Variants in ELAPOR1 observed in about 807,000 individuals in gnomAD.
ELAPOR1 encodes the protein endosome/lysosome-associated apoptosis and autophagy regulator 1.
In ELAPOR1, 77 loss-of-function variants were observed where a neutral mutation model predicts 119.7. That is an observed-to-expected ratio of 0.64 (90% CI 0.54 to 0.78). The LOEUF (loss-of-function observed/expected upper bound fraction) is 0.78. Among genes scored for constraint, ELAPOR1 ranks in the 30% least tolerant of loss-of-function variants. The pLI is 0.00. For missense variants in ELAPOR1, 1,115 were observed against 1,270.4 expected, an observed-to-expected ratio of 0.88 and a Z score of 1.86; for synonymous variants, 481 against 487.2, an observed-to-expected ratio of 0.99 and a Z score of 0.17.
At chr1:109,127,363 C>T (rs1428374197) in intron 1 of ELAPOR1, among the ~76,000 whole-genome samples, 3 of 150,820 alleles carry the variant, frequency 2.0e-5, no homozygotes, top group Non-Finnish European at 4.4e-5. Context: ...TACAGGTGCA[C>T]GCCACCATGC....
At chr1:109,131,485 C>A (rs140529102) in intron 1 of ELAPOR1, among the ~76,000 whole-genome samples, 2,428 of 152,066 alleles carry the variant, frequency 0.016, 43 homozygotes, top group Middle Eastern at 0.024. Context: ...CGGCAGTGGA[C>A]GTTCTTAAAT....
chr1:109,155,261 C>T lies in ELAPOR1; in HGVS notation c.154-6633C>T, dbSNP rs138040466. ...GCGCATCTCTGCTCACTGCAAGCTC[C>T]GCCTCCCGGGTTCACGCCATTCTCC... On this transcript the variant is annotated intron_variant, in intron 1 of 21. Coordinates refer to ENST00000369939, the MANE Select transcript of ELAPOR1 (RefSeq NM_020775.5). Among the ~76,000 whole-genome samples, 706 of 152,194 alleles carry T rather than the reference C, an allele frequency of 4.6e-3. 3 individuals carry two copies. The highest frequency in any genetic ancestry group is 0.016 in the African/African-American group (671 of 41,476).
intron 8 of ELAPOR1, chr1:109,187,348 C>T (rs1653117566): frequency 1.0e-6 from 1 of 985,410 alleles, no homozygotes; most frequent in Admixed American, 6.1e-5. Flanking sequence ...CCGAGCTGAG[C>T]AGGGGAAGGA....
chr1:109,199,470 C>T (rs1442456567), intron 18 of ELAPOR1, among the ~76,000 whole-genome samples: 6 of 152,178 alleles, frequency 3.9e-5, no homozygotes. Flanking sequence ...TGAACCCCAC[C>T]TCAACTCCAA....
chr1:109,203,009 G>A lies in ELAPOR1; in HGVS notation c.3039G>A (p.Leu1013=), dbSNP rs1654276023. ...KTSSGGLDMD[L] ...CCTCAGGAGGCCTAGACATGGACCT[G>A]TGAGAGGCACTGCCTGCCTCACCTG... Residue 1013 remains leucine, a synonymous_variant, in exon 22 of 22, where the codon CTG becomes CTA. Transcript: ENST00000369939. 3.1e-6 allele frequency: 5 copies of A among 1,608,860 alleles called. No individual in the cohort carries two copies. The Admixed American group carries it at 5.0e-5, about 16-fold the overall frequency.
At chr1:109,128,265 G>A (rs1296937582) in intron 1 of ELAPOR1, among the ~76,000 whole-genome samples, 2 of 152,182 alleles carry the variant, frequency 1.3e-5, no homozygotes, top group African/African-American at 4.8e-5. Context: ...GGTTTTCTAA[G>A]TATGAACCTT....
At chr1:109,172,063 GT>G in intron 4 of ELAPOR1, 50 bp downstream of exon 4, 1 of 1,596,038 alleles carries the variant, frequency 6.3e-7, no homozygotes, top group Non-Finnish European at 8.6e-7. Flanking sequence ...CCTCTCTGGG[GT>G]TCAGATCCGT....
At chr1:109,124,770 A>G (rs1329479044) in intron 1 of ELAPOR1, among the ~76,000 whole-genome samples, 1 of 152,224 alleles carries the variant, frequency 6.6e-6, no homozygotes, top group Non-Finnish European at 1.5e-5. Context: ...GCACATGCAT[A>G]CTGCATTCTT....
chr1:109,121,644 G>A (rs371930642), intron 1 of ELAPOR1, among the ~76,000 whole-genome samples: 1 of 152,152 alleles, frequency 6.6e-6, no homozygotes, highest in East Asian at 1.9e-4. Context: ...GACACTGGAG[G>A]GACTAAACTC....
chr1:109,189,767 G>A (rs1653310754), intron 11 of ELAPOR1, 85 bp downstream of exon 11: 1 of 959,106 alleles, frequency 1.0e-6, no homozygotes, highest in South Asian at 1.4e-5. Context: ...AGAGGAGAGG[G>A]CTTCCGGGGT....
At chr1:109,152,605 A>G (rs1340822719) in intron 1 of ELAPOR1, among the ~76,000 whole-genome samples, 1 of 152,082 alleles carries the variant, frequency 6.6e-6, no homozygotes, top group Non-Finnish European at 1.5e-5. Context: ...AAAATTGTGG[A>G]GTTAATATTT....
At chr1:109,201,212 C>T in intron 21 of ELAPOR1, 1 of 481,170 alleles carries the variant, frequency 2.1e-6, no homozygotes, top group African/African-American at 1.9e-5. Context: ...AGAATCATCC[C>T]CTACTCCTTT....
intron 1 of ELAPOR1, among the ~76,000 whole-genome samples, chr1:109,158,984 C>A (rs1362294392): frequency 2.0e-5 from 3 of 151,794 alleles, no homozygotes; most frequent in African/African-American, 4.8e-5. Context: ...CCTCTGCCCC[C>A]ACTCCCAGGT....
At chr1:109,188,024 A>G in intron 8 of ELAPOR1, 153 bp from the exon 9 acceptor site, 2 of 1,409,776 alleles carry the variant, frequency 1.4e-6, no homozygotes, top group South Asian at 3.3e-5. Context: ...TGCTTGGGAT[A>G]CATCCGTGAG....
intron 1 of ELAPOR1, among the ~76,000 whole-genome samples, chr1:109,118,356 G>GT (rs1404561851): frequency 2.0e-5 from 3 of 152,168 alleles, no homozygotes; most frequent in Non-Finnish European, 4.4e-5. Context: ...GAGATACAAA[G>GT]TTGATAAGGT....
intron 7 of ELAPOR1, among the ~76,000 whole-genome samples, chr1:109,176,606 C>CT (rs1166255748): frequency 0.016 from 2,016 of 127,802 alleles, 19 homozygotes; most frequent in Non-Finnish European, 0.024. Context: ...CTTTTTTTTT[C>CT]TTTTTTTTTT....
At chr1:109,197,941 C>T (rs778274333) in intron 16 of ELAPOR1, 38 bp from the exon 17 acceptor site, 7 of 1,539,660 alleles carry the variant, frequency 4.5e-6, no homozygotes, top group Non-Finnish European at 4.5e-6. Context: ...CCAGCTAATG[C>T]TACTAGTGAG....
At chr1:109,178,961 T>C (rs1238027518) in intron 7 of ELAPOR1, among the ~76,000 whole-genome samples, 1 of 73,750 alleles carries the variant, frequency 1.4e-5, no homozygotes, top group African/African-American at 6.1e-5. Context: ...TAATACTGTC[T>C]CAAAAAAAAA....
In ELAPOR1 at chr1:109,203,211, C is replaced by A. The variant is rs1270794590; in HGVS notation, c.*199C>A. ...GCTTGCCTCAAACCTGCCAAATATACCCACACTTTGTTTGTAAATTATGCC... is the reference window on the plus strand; with the variant it reads ...GCTTGCCTCAAACCTGCCAAATATAACCACACTTTGTTTGTAAATTATGCC... On this transcript the variant is annotated 3_prime_UTR_variant, in exon 22 of 22. Transcript: ENST00000369939. 1.8e-6 allele frequency: 1 copy of A among 543,128 alleles called. No individual in the cohort carries two copies. The highest frequency in any genetic ancestry group is 3.4e-5 in the East Asian group (1 of 29,248). The allele number at this position is 543,128 out of a possible 1,614,324, so 33.6% of individuals were successfully genotyped here. A position where few individuals can be genotyped will look rare whatever the true frequency, so the allele number is the denominator to read the frequency against.
Sources: allele counts gnomAD v4.1 joint callset (sites outside exome capture counted in the v4.1 genomes callset), GRCh38; gene constraint gnomAD v4.1.1; transcripts MANE v1.5; gene names NCBI Gene and HGNC (gene_info 2026-07-23, HGNC 2026-07-21).